Variants in SAXO1 observed in about 807,000 individuals in gnomAD.
SAXO1 encodes stabilizer of axonemal microtubules 1, also known as 4930500O09Rik.
A neutral mutation model predicts 17.5 loss-of-function variants in SAXO1; 21 were observed. The observed-to-expected ratio is 1.20, with a 90% CI of 0.85 to 1.72. The LOEUF is 1.72. SAXO1 is among the 40% of genes most tolerant of loss of function. SAXO1 has a pLI of 0.00. For synonymous variants in SAXO1, 274 were observed against 216.5 expected (o/e 1.27, Z -2.33); for missense variants, 843 against 596.0 (o/e 1.41, Z -4.32).
chr9:19,048,204 G>A (rs768655635), intron 1 of SAXO1, among the ~76,000 whole-genome samples: 38 of 152,214 alleles, frequency 2.5e-4, no homozygotes, highest in Non-Finnish European at 4.8e-4. Context: ...GGTGGCTCAC[G>A]CCTGTAATCC....
chr9:19,013,435 A>G (rs569609639), intron 1 of SAXO1, among the ~76,000 whole-genome samples: 3 of 152,210 alleles, frequency 2.0e-5, no homozygotes, highest in East Asian at 3.9e-4. Context: ...ATGGCTATAG[A>G]TAGAACACAT....
In SAXO1 at chr9:18,938,945, G is replaced by A. The variant is rs148622958; in HGVS notation, c.421+2692C>T. Among the ~76,000 whole-genome samples, 185 of 151,710 alleles carry A rather than the reference G, an allele frequency of 1.2e-3. 1 individual carries two copies. The highest frequency in any genetic ancestry group is 4.3e-3 in the African/African-American group (179 of 41,344). On this transcript the variant is annotated intron_variant, in intron 3 of 3. Coordinates refer to ENST00000380534, the MANE Select transcript of SAXO1 (RefSeq NM_153707.4). ...CTACATATAGACCTCCTCCATCCTTGCCAACCCCCAAGACAAGCAAGGAGC... is the reference window on the plus strand; with the variant it reads ...CTACATATAGACCTCCTCCATCCTTACCAACCCCCAAGACAAGCAAGGAGC...
At chr9:18,953,862 G>C (rs1201945111) in intron 1 of SAXO1, among the ~76,000 whole-genome samples, 1 of 152,296 alleles carries the variant, frequency 6.6e-6, no homozygotes, top group African/African-American at 2.4e-5. Context: ...AAAATAATTT[G>C]TTCTAACATT....
intron 1 of SAXO1, among the ~76,000 whole-genome samples, chr9:18,975,929 C>G (rs1324340104): frequency 6.6e-6 from 1 of 152,140 alleles, no homozygotes; most frequent in Non-Finnish European, 1.5e-5. Flanking sequence ...TTGAACTCCA[C>G]GCAAACAGAA....
intron 1 of SAXO1, among the ~76,000 whole-genome samples, chr9:18,991,979 T>C (rs1833833286): frequency 6.6e-6 from 1 of 152,192 alleles, no homozygotes; most frequent in Non-Finnish European, 1.5e-5. Context: ...TCAGAGTCTA[T>C]GAATGATAAC....
chr9:18,980,546 G>GAGGC (rs1833335547), intron 1 of SAXO1, among the ~76,000 whole-genome samples: 1 of 135,300 alleles, frequency 7.4e-6, no homozygotes, highest in African/African-American at 2.7e-5. Flanking sequence ...GGGAGGGAGG[G>GAGGC]AGGGAAGAGG....
At chr9:18,930,020 G>A (rs1010298113) in intron 3 of SAXO1, among the ~76,000 whole-genome samples, 10 of 152,220 alleles carry the variant, frequency 6.6e-5, no homozygotes, top group African/African-American at 2.4e-4. Context: ...GCTCAGAGGA[G>A]CTAAGAAACT....
intron 1 of SAXO1, among the ~76,000 whole-genome samples, chr9:19,012,163 G>A (rs888088909): frequency 1.3e-5 from 2 of 152,072 alleles, no homozygotes; most frequent in Non-Finnish European, 2.9e-5. Context: ...TTTTTTTAAT[G>A]AGAGAGGAAA....
intron 1 of SAXO1, among the ~76,000 whole-genome samples, chr9:19,011,713 A>G (rs1834736566): frequency 6.6e-6 from 1 of 152,226 alleles, no homozygotes; most frequent in Admixed American, 6.5e-5. Context: ...TTTAACAACC[A>G]AATCCAGTTT....
At chr9:18,959,142 G>C (rs1023557674) in intron 1 of SAXO1, among the ~76,000 whole-genome samples, 3 of 152,158 alleles carry the variant, frequency 2.0e-5, no homozygotes, top group African/African-American at 7.2e-5. Flanking sequence ...TGGTTCAACA[G>C]ACATTCTGAA....
intron 3 of SAXO1, among the ~76,000 whole-genome samples, chr9:18,939,905 G>A (rs1831478591): frequency 6.6e-6 from 1 of 152,204 alleles, no homozygotes; most frequent in Non-Finnish European, 1.5e-5. Flanking sequence ...ATAGAAGACT[G>A]CTCTGCTCCC....
intron 1 of SAXO1, among the ~76,000 whole-genome samples, chr9:18,993,608 G>C (rs1833896988): frequency 6.6e-6 from 1 of 152,194 alleles, no homozygotes. Context: ...GAGGAGCACA[G>C]CTTTTATTTC....
chr9:19,041,715 T>C (rs1258697626), intron 1 of SAXO1, among the ~76,000 whole-genome samples: 1 of 152,150 alleles, frequency 6.6e-6, no homozygotes, highest in African/African-American at 2.4e-5. Flanking sequence ...CTTCAATAAA[T>C]AGTGCTGGAA....
intron 1 of SAXO1, among the ~76,000 whole-genome samples, chr9:19,020,920 A>T (rs370168344): frequency 1.2e-4 from 18 of 152,332 alleles, no homozygotes; most frequent in African/African-American, 4.3e-4. Flanking sequence ...ATGACCTGGG[A>T]ATCCACCTAA....
At chr9:18,932,801 GAGAAC>G (rs1831111728) in intron 3 of SAXO1, among the ~76,000 whole-genome samples, 2 of 152,128 alleles carry the variant, frequency 1.3e-5, no homozygotes, top group Non-Finnish European at 1.5e-5. Flanking sequence ...CTATTAAAAA[GAGAAC>G]AGTTTTCTTG....
chr9:19,003,912 A>C (rs1834385305), intron 1 of SAXO1, among the ~76,000 whole-genome samples: 2 of 152,252 alleles, frequency 1.3e-5, no homozygotes, highest in South Asian at 4.1e-4. Flanking sequence ...ATTAAACTAA[A>C]GAGCTTCTGC....
intron 1 of SAXO1, among the ~76,000 whole-genome samples, chr9:18,984,808 T>C (rs767357375): frequency 5.3e-5 from 8 of 152,212 alleles, no homozygotes; most frequent in Non-Finnish European, 1.0e-4. Flanking sequence ...TTTGAATTTC[T>C]TTCAAGAACT....
chr9:18,937,231 T>G (rs1831335503), intron 3 of SAXO1, among the ~76,000 whole-genome samples: 1 of 152,252 alleles, frequency 6.6e-6, no homozygotes, highest in Non-Finnish European at 1.5e-5. Flanking sequence ...AAATGGTAAG[T>G]GGCATGGGCC....
At chr9:18,998,021 A>T (rs185363782) in intron 1 of SAXO1, among the ~76,000 whole-genome samples, 26 of 152,354 alleles carry the variant, frequency 1.7e-4, no homozygotes, top group Admixed American at 1.4e-3. Context: ...AAACCAGAGC[A>T]GAAAGGCTGA....
Sources: gnomAD v4.1 joint callset for allele counts (sites outside exome capture counted in the v4.1 genomes callset) on GRCh38, gnomAD v4.1.1 for gene constraint, MANE v1.5 for transcripts, NCBI Gene and HGNC (gene_info 2026-07-23, HGNC 2026-07-21) for gene names.